TCF7L2: variants seen among roughly 807,000 people sequenced by gnomAD.
TCF7L2 encodes transcription factor 7 like 2, also known as transcription factor 7-like 2.
Under a neutral mutation model 77.9 loss-of-function variants are expected in TCF7L2, and 23 were observed. That is an observed-to-expected ratio of 0.30 (90% CI 0.21 to 0.42). The LOEUF (loss-of-function observed/expected upper bound fraction) is 0.42. TCF7L2 is among the 10% of genes least tolerant of loss of function. The pLI is 1.00. For missense variants in TCF7L2, 654 were observed against 793.1 expected, an observed-to-expected ratio of 0.82 and a Z score of 2.11; for synonymous variants, 413 against 340.2, an observed-to-expected ratio of 1.21 and a Z score of -2.36.
At chr10:113,158,643 G>C (rs747605843) in intron 12 of TCF7L2, 24 bp from the exon 13 acceptor site, 1 of 1,612,682 alleles carries the variant, frequency 6.2e-7, no homozygotes, top group Middle Eastern at 1.7e-4. Context: ...TGAAGGCTTT[G>C]TATAATTTGT....
At chr10:113,134,281 G>A (rs190758738) in intron 5 of TCF7L2, among the ~76,000 whole-genome samples, 1 of 152,344 alleles carries the variant, frequency 6.6e-6, no homozygotes, top group East Asian at 1.9e-4. Context: ...GGGGCCACGG[G>A]AGGAAGTCAT....
rs1483943315 is a variant in TCF7L2, at chr10:112,951,616, C to T, written c.381+9C>T. The T allele has an allele frequency of 1.6e-6, 2 of 1,235,074 alleles. No individual in the cohort carries two copies. Among genetic ancestry groups the T allele is most frequent in the Non-Finnish European group, 2.1e-6 (2 of 961,508 alleles). 76.5% of individuals were successfully genotyped at this position (1,235,074 alleles called of 1,614,324 possible). A position where few individuals can be genotyped will look rare whatever the true frequency, so the allele number is the denominator to read the frequency against. On this transcript the variant is annotated intron_variant, in intron 3 of 13. Coordinates refer to ENST00000627217, the MANE Select transcript of TCF7L2 (RefSeq NM_001146274.2). ...CGCCCACCGCCCGAACCGTAAGTGC[C>T]TCCGCGCCCGGCCCCCGCCCGCTGC...
chr10:113,131,651 G>T (rs1362051799), intron 5 of TCF7L2, among the ~76,000 whole-genome samples: 1 of 152,164 alleles, frequency 6.6e-6, no homozygotes, highest in East Asian at 1.9e-4. Context: ...CAGGTATTAT[G>T]ATCTCTGTAT....
intron 5 of TCF7L2, among the ~76,000 whole-genome samples, chr10:113,094,998 C>T (rs375470368): frequency 2.0e-5 from 3 of 152,164 alleles, no homozygotes; most frequent in East Asian, 1.9e-4. Flanking sequence ...CCCAGCTACT[C>T]GGGAGGCTGA....
chr10:112,955,279 A>G (rs531471362), intron 3 of TCF7L2, among the ~76,000 whole-genome samples: 1 of 152,296 alleles, frequency 6.6e-6, no homozygotes, highest in Non-Finnish European at 1.5e-5. Flanking sequence ...TATTTATGCT[A>G]ATTGTTTTTC....
chr10:112,960,305 A>C (rs1177962987), intron 3 of TCF7L2, among the ~76,000 whole-genome samples: 2 of 152,204 alleles, frequency 1.3e-5, no homozygotes, highest in Non-Finnish European at 2.9e-5. Flanking sequence ...TATGATGATA[A>C]TAAGGGAAGG....
chr10:113,133,029 G>A (rs929661186), intron 5 of TCF7L2: 2 of 152,204 alleles, frequency 1.3e-5, no homozygotes, highest in African/African-American at 4.8e-5. Flanking sequence ...ATGTAAGCTT[G>A]CAAGTGTTTT....
intron 11 of TCF7L2, among the ~76,000 whole-genome samples, chr10:113,154,283 C>T (rs2071384776): frequency 6.6e-6 from 1 of 152,188 alleles, no homozygotes; most frequent in African/African-American, 2.4e-5. Context: ...ACGTACACAA[C>T]CATATCATTT....
intron 13 of TCF7L2, among the ~76,000 whole-genome samples, chr10:113,164,900 G>A (rs927270976): frequency 2.0e-5 from 3 of 152,086 alleles, no homozygotes; most frequent in South Asian, 2.1e-4. Flanking sequence ...CTCTCTGGGC[G>A]CCAGCAGCCT....
chr10:112,977,279 T>C (rs1261576337), intron 4 of TCF7L2, among the ~76,000 whole-genome samples: 1 of 152,208 alleles, frequency 6.6e-6, no homozygotes, highest in African/African-American at 2.4e-5. Context: ...CTAGGGGTAC[T>C]GGAAGATTCT....
At chr10:112,978,633 A>ATTTTTTTTT (rs988727404) in intron 4 of TCF7L2, among the ~76,000 whole-genome samples, 2 of 126,872 alleles carry the variant, frequency 1.6e-5, no homozygotes, top group Admixed American at 8.1e-5. Context: ...CGCCTGGCTA[A>ATTTTTTTTT]TTTTTTTTTT....
chr10:113,077,358 C>G (rs528933991), intron 5 of TCF7L2, among the ~76,000 whole-genome samples: 1 of 152,290 alleles, frequency 6.6e-6, no homozygotes, highest in South Asian at 2.1e-4. Context: ...ACATACCATG[C>G]AGTTCACCCA....
chr10:113,099,273 A>G (rs985366054), intron 5 of TCF7L2, among the ~76,000 whole-genome samples: 4 of 152,152 alleles, frequency 2.6e-5, no homozygotes, highest in Admixed American at 6.5e-5. Flanking sequence ...GCTTTGAATT[A>G]TTTATTTTAG....
chr10:113,148,446 A>G (rs555795351), intron 8 of TCF7L2, among the ~76,000 whole-genome samples: 2 of 152,302 alleles, frequency 1.3e-5, no homozygotes, highest in East Asian at 3.9e-4. Flanking sequence ...TGACAAACCT[A>G]ATGCAACTCA....
At chr10:113,024,989 C>T (rs2048895545) in intron 4 of TCF7L2, among the ~76,000 whole-genome samples, 1 of 152,116 alleles carries the variant, frequency 6.6e-6, no homozygotes, top group East Asian at 1.9e-4. Flanking sequence ...GTTTTGACTG[C>T]ATTTTGACTG....
chr10:112,975,447 C>A (rs536381236), intron 4 of TCF7L2, among the ~76,000 whole-genome samples: 1 of 152,156 alleles, frequency 6.6e-6, no homozygotes, highest in East Asian at 1.9e-4. Context: ...GGGACCATCC[C>A]GTGCATTGTA....
intron 4 of TCF7L2, among the ~76,000 whole-genome samples, chr10:113,000,088 G>C (rs541093010): frequency 1.3e-5 from 2 of 152,288 alleles, no homozygotes; most frequent in Admixed American, 6.5e-5. Flanking sequence ...GATATTGAAG[G>C]CTCTGAGAAG....
intron 12 of TCF7L2, 49 bp downstream of exon 12, chr10:113,158,118 A>G: frequency 6.4e-7 from 1 of 1,553,868 alleles, no homozygotes; most frequent in South Asian, 1.2e-5. Flanking sequence ...CCTGAGGACC[A>G]CCCTTTTATG....
At position 113,014,060 on chromosome 10, in the gene TCF7L2, G is replaced by A. The variant is rs535010611; in HGVS notation, c.451-25965G>A. On this transcript the variant is annotated intron_variant, in intron 4 of 13. Coordinates refer to ENST00000627217, the MANE Select transcript of TCF7L2 (RefSeq NM_001146274.2). ...CTGTCTCAAAACTTGGATGCAAAAAGAAGTTGAGTTAACACAGGAGGACAG... is the reference window on the plus strand; with the variant it reads ...CTGTCTCAAAACTTGGATGCAAAAAAAAGTTGAGTTAACACAGGAGGACAG... 8.5e-5 allele frequency among the ~76,000 whole-genome samples: 13 copies of A among 152,370 alleles called. No individual in the cohort carries two copies. In the South Asian group the frequency reaches 2.7e-3, roughly 32 times the overall value.
Sources: allele counts gnomAD v4.1 joint callset (sites outside exome capture counted in the v4.1 genomes callset), GRCh38; gene constraint gnomAD v4.1.1; transcripts MANE v1.5; gene names NCBI Gene and HGNC (gene_info 2026-07-23, HGNC 2026-07-21).